Variants in NAV2 observed in about 807,000 individuals in gnomAD.
NAV2 encodes helicase, APC down-regulated 1.
Under a neutral mutation model 223.2 loss-of-function variants are expected in NAV2, and 54 were observed. The observed-to-expected ratio is 0.24, with a 90% CI of 0.19 to 0.30. The LOEUF (loss-of-function observed/expected upper bound fraction) is 0.30, where lower values mean the gene tolerates loss of function less well. NAV2 is among the 10% of genes least tolerant of loss of function. NAV2 has a pLI of 1.00. For missense variants in NAV2, 2,806 were observed against 3,147.5 expected, an observed-to-expected ratio of 0.89 and a Z score of 2.60; for synonymous variants, 1,279 against 1,239.3, an observed-to-expected ratio of 1.03 and a Z score of -0.67.
intron 1 of NAV2, among the ~76,000 whole-genome samples, chr11:19,514,340 A>T (rs576035079): frequency 2.6e-5 from 4 of 152,134 alleles, no homozygotes; most frequent in South Asian, 2.1e-4. Context: ...TTTATGTAAC[A>T]TTCTCTCACC....
chr11:19,485,977 C>T (rs1160925328), intron 1 of NAV2, among the ~76,000 whole-genome samples: 3 of 152,114 alleles, frequency 2.0e-5, no homozygotes, highest in Admixed American at 1.3e-4. Flanking sequence ...AGAGCCTCCT[C>T]CACCATGCAC....
At chr11:19,694,843 T>C (rs2152270756) in intron 1 of NAV2, among the ~76,000 whole-genome samples, 1 of 152,270 alleles carries the variant, frequency 6.6e-6, no homozygotes, top group Non-Finnish European at 1.5e-5. Flanking sequence ...CCCTTGTACC[T>C]CTCTAGGTTG....
At chr11:19,530,799 G>T (rs1322279944) in intron 1 of NAV2, among the ~76,000 whole-genome samples, 2 of 152,210 alleles carry the variant, frequency 1.3e-5, no homozygotes, top group African/African-American at 2.4e-5. Flanking sequence ...GCCCTGAAAG[G>T]TCGGCCTAAT....
At chr11:20,083,373 CT>C (rs2153667605) in intron 26 of NAV2, among the ~76,000 whole-genome samples, 194 bp downstream of exon 26, 1 of 152,336 alleles carries the variant, frequency 6.6e-6, no homozygotes, top group African/African-American at 2.4e-5. Context: ...GGTTTTCGTT[CT>C]GATGGTGTCA....
chr11:19,623,563 C>G (rs904955702), intron 1 of NAV2, among the ~76,000 whole-genome samples: 2 of 152,208 alleles, frequency 1.3e-5, no homozygotes, highest in African/African-American at 4.8e-5. Flanking sequence ...GAATCCGCTA[C>G]TGAAGCTTGT....
chr11:19,508,495 C>T (rs962896165), intron 1 of NAV2, among the ~76,000 whole-genome samples: 1 of 152,150 alleles, frequency 6.6e-6, no homozygotes, highest in Non-Finnish European at 1.5e-5. Context: ...CTACTCCTTC[C>T]TCCTGGGCTT....
chr11:19,673,874 A>G (rs2048639860), intron 1 of NAV2, among the ~76,000 whole-genome samples: 1 of 152,198 alleles, frequency 6.6e-6, no homozygotes, highest in Admixed American at 6.5e-5. Flanking sequence ...AACAGACCCA[A>G]GATGACTTGA....
chr11:19,349,357 C>T (rs1853167616), upstream of NAV2, among the ~76,000 whole-genome samples: 2 of 152,200 alleles, frequency 1.3e-5, no homozygotes, highest in East Asian at 3.9e-4. Context: ...CTCACAAGCC[C>T]TCTGTGGCCG....
chr11:19,565,273 G>T (rs918380606), intron 1 of NAV2, among the ~76,000 whole-genome samples: 16 of 152,166 alleles, frequency 1.1e-4, no homozygotes, highest in Non-Finnish European at 1.5e-5. Flanking sequence ...TGAGGTTAAA[G>T]CCCATGCTTT....
intron 1 of NAV2, among the ~76,000 whole-genome samples, chr11:19,374,759 A>G (rs1848586446): frequency 6.6e-6 from 1 of 152,186 alleles, no homozygotes; most frequent in Admixed American, 6.5e-5. Context: ...TTCAGGGCAT[A>G]TAACGTTCTC....
At chr11:19,474,627 A>C (rs2042062654) in intron 1 of NAV2, among the ~76,000 whole-genome samples, 1 of 152,246 alleles carries the variant, frequency 6.6e-6, no homozygotes, top group Non-Finnish European at 1.5e-5. Context: ...TAGAGCTGCA[A>C]GCCTTATCTG....
intron 1 of NAV2, among the ~76,000 whole-genome samples, chr11:19,359,711 T>C (rs556968464): frequency 6.6e-6 from 1 of 152,316 alleles, no homozygotes; most frequent in South Asian, 2.1e-4. Flanking sequence ...ATAGAATGCA[T>C]TCAAGAGAAA....
chr11:19,426,661 C>A (rs1046645746), intron 1 of NAV2, among the ~76,000 whole-genome samples: 1 of 151,662 alleles, frequency 6.6e-6, no homozygotes, highest in African/African-American at 2.4e-5. Flanking sequence ...CCATTGAGAA[C>A]CTCTTTTCAG....
chr11:19,495,379 G>A (rs2099171054), intron 1 of NAV2, among the ~76,000 whole-genome samples: 1 of 152,190 alleles, frequency 6.6e-6, no homozygotes, highest in Non-Finnish European at 1.5e-5. Flanking sequence ...AGTGTGGTGT[G>A]TTTCCTGCAA....
intron 10 of NAV2, among the ~76,000 whole-genome samples, chr11:19,956,151 C>T (rs2047840680): frequency 6.6e-6 from 1 of 152,130 alleles, no homozygotes; most frequent in Admixed American, 6.5e-5. Context: ...GTGGACAGAC[C>T]CATCTGTAGG....
intron 1 of NAV2, among the ~76,000 whole-genome samples, chr11:19,785,647 C>CTTTTTTTTTTTT (rs3214722): frequency 4.3e-4 from 61 of 141,856 alleles, no homozygotes; most frequent in African/African-American, 1.3e-3. Context: ...CGTCAGCTGG[C>CTTTTTTTTTTTT]TTTTTTTTTT....
intron 1 of NAV2, among the ~76,000 whole-genome samples, chr11:19,780,917 A>G (rs1483053807): frequency 2.0e-5 from 3 of 152,160 alleles, no homozygotes; most frequent in Non-Finnish European, 1.5e-5. Flanking sequence ...TTTGGTCTAT[A>G]CTTTTCCTTA....
rs1222536678 is a variant in NAV2, at chr11:19,984,191, T to C, written c.2712T>C (p.Ala904=). The part of the protein sequence containing the change: ...RRLNRLPDGM[A]VVRETLQRNT... Reference sequence around the variant, plus strand: ...TGAACCGGCTCCCTGATGGGATGGCTGTGGTACGGGAGACCCTGCAACGAA... The same window carrying C: ...TGAACCGGCTCCCTGATGGGATGGCCGTGGTACGGGAGACCCTGCAACGAA... Residue 904 remains alanine (A), a synonymous_variant, in exon 11 of 38, where the codon GCT becomes GCC. Transcript: ENST00000349880. 1.2e-6 allele frequency: 2 copies of C among 1,614,092 alleles called. No individual in the cohort carries two copies. The highest frequency in any genetic ancestry group is 2.2e-5 in the East Asian group (1 of 44,900).
intron 1 of NAV2, among the ~76,000 whole-genome samples, chr11:19,535,522 T>C (rs1001016992): frequency 3.3e-5 from 5 of 152,242 alleles, no homozygotes; most frequent in Non-Finnish European, 7.3e-5. Context: ...CCGGGTGATA[T>C]ACTTTTAATT....
Sources: allele counts gnomAD v4.1 joint callset (sites outside exome capture counted in the v4.1 genomes callset), GRCh38; gene constraint gnomAD v4.1.1; transcripts MANE v1.5; gene names NCBI Gene and HGNC (gene_info 2026-07-23, HGNC 2026-07-21).